Variants in AGBL4 observed in about 807,000 individuals in gnomAD.
AGBL4 encodes AGBL carboxypeptidase 4.
AGBL4 carries 58 observed loss-of-function variants against 66.4 expected under a neutral mutation model. The observed-to-expected ratio is 0.87, with a 90% CI of 0.71 to 1.09. The LOEUF (loss-of-function observed/expected upper bound fraction) is 1.09, where lower values mean the gene tolerates loss of function less well. Ranked by LOEUF, AGBL4 falls within the 50% of genes least tolerant of loss-of-function variation. The probability of loss-of-function intolerance (pLI) is 0.00; values close to 1 mark genes in which losing one functional copy is unlikely to be tolerated. For synonymous variants in AGBL4, 234 were observed against 222.9 expected (o/e 1.05, Z -0.44); for missense variants, 579 against 631.0 (o/e 0.92, Z 0.88).
chr1:49,667,350 T>C (rs1646391224), intron 3 of AGBL4, among the ~76,000 whole-genome samples: 1 of 151,920 alleles, frequency 6.6e-6, no homozygotes, highest in South Asian at 2.1e-4. Context: ...TACTGCTATT[T>C]GGGAGGCTGA....
intron 3 of AGBL4, among the ~76,000 whole-genome samples, chr1:49,655,759 C>T (rs1471460254): frequency 6.6e-6 from 1 of 152,088 alleles, no homozygotes; most frequent in Non-Finnish European, 1.5e-5. Flanking sequence ...TCAATGAATC[C>T]AGGAGCTGGT....
intron 11 of AGBL4, among the ~76,000 whole-genome samples, chr1:48,568,338 T>C (rs1308915007): frequency 6.6e-6 from 1 of 152,082 alleles, no homozygotes; most frequent in African/African-American, 2.4e-5. Flanking sequence ...AGGTGGCTGG[T>C]TTGACTGATC....
chr1:49,946,320 C>A (rs1655203720), intron 1 of AGBL4, among the ~76,000 whole-genome samples: 1 of 151,886 alleles, frequency 6.6e-6, no homozygotes, highest in Non-Finnish European at 1.5e-5. Context: ...ACAAAACAAG[C>A]CTCAATAAAT....
intron 3 of AGBL4, among the ~76,000 whole-genome samples, chr1:49,419,809 T>A (rs1645504305): frequency 6.6e-6 from 1 of 152,122 alleles, no homozygotes. Flanking sequence ...ACAAGGTTGG[T>A]GAAATGGGTA....
At chr1:48,666,924 G>A (rs1449750918) in intron 6 of AGBL4, among the ~76,000 whole-genome samples, 1 of 152,158 alleles carries the variant, frequency 6.6e-6, no homozygotes, top group African/African-American at 2.4e-5. Flanking sequence ...ACTATTCTTA[G>A]ACTAGACTCT....
chr1:48,931,349 C>A (rs1242174614), intron 5 of AGBL4, among the ~76,000 whole-genome samples: 1 of 152,130 alleles, frequency 6.6e-6, no homozygotes, highest in Non-Finnish European at 1.5e-5. Flanking sequence ...TACAAATAAA[C>A]CAGTTACTAA....
Position 49,796,805 on chromosome 1 carries a change from T to C in AGBL4, c.157+54591A>G, listed in dbSNP as rs185569427. On this transcript the variant is annotated intron_variant, in intron 2 of 13. Coordinates refer to ENST00000371839, the MANE Select transcript of AGBL4 (RefSeq NM_032785.4). ...TCTTTTACACATTTCTAATAATGAG[T>C]ACATATTATTATTTCAATATTTAAA... Among the ~76,000 whole-genome samples, 354 of 152,056 alleles carry C rather than the reference T, an allele frequency of 2.3e-3. 3 individuals carry two copies. Among genetic ancestry groups the C allele is most frequent in the Admixed American group, 2.8e-3 (43 of 15,280 alleles).
At chr1:49,079,770 C>T (rs551199845) in intron 4 of AGBL4, among the ~76,000 whole-genome samples, 1 of 152,278 alleles carries the variant, frequency 6.6e-6, no homozygotes, top group South Asian at 2.1e-4. Context: ...AATGAATCTC[C>T]ATTATCTAGT....
intron 4 of AGBL4, among the ~76,000 whole-genome samples, chr1:49,102,013 C>T (rs1475568047): frequency 6.6e-6 from 1 of 151,338 alleles, no homozygotes; most frequent in East Asian, 1.9e-4. Context: ...CCATGATCAA[C>T]TGAGAGAGGG....
intron 5 of AGBL4, among the ~76,000 whole-genome samples, chr1:48,875,184 G>T (rs533762383): frequency 3.0e-4 from 45 of 152,178 alleles, no homozygotes; most frequent in Non-Finnish European, 2.5e-4. Context: ...TTTTAATTGT[G>T]GTAAGTGCTC....
At chr1:49,939,801 C>A (rs1288189472) in intron 1 of AGBL4, among the ~76,000 whole-genome samples, 2 of 152,182 alleles carry the variant, frequency 1.3e-5, no homozygotes, top group East Asian at 3.9e-4. Flanking sequence ...GCAAGTACTT[C>A]ATGTCTAAAA....
At chr1:49,919,237 C>G (rs1288299835) in intron 1 of AGBL4, among the ~76,000 whole-genome samples, 4 of 152,088 alleles carry the variant, frequency 2.6e-5, no homozygotes, top group African/African-American at 4.8e-5. Context: ...CTGGCCAGGG[C>G]AATCAGGCAG....
At chr1:49,166,806 C>T (rs1335531500) in intron 4 of AGBL4, among the ~76,000 whole-genome samples, 1 of 152,178 alleles carries the variant, frequency 6.6e-6, no homozygotes, top group Non-Finnish European at 1.5e-5. Context: ...CCCTTTGTTA[C>T]ACCCAGAATC....
chr1:49,814,827 A>G (rs542904871), intron 2 of AGBL4, among the ~76,000 whole-genome samples: 31 of 152,308 alleles, frequency 2.0e-4, no homozygotes, highest in Admixed American at 5.9e-4. Context: ...AAAATTCTGC[A>G]TAGAAACAAA....
At chr1:49,763,373 T>C (rs1212474398) in intron 2 of AGBL4, among the ~76,000 whole-genome samples, 1 of 152,198 alleles carries the variant, frequency 6.6e-6, no homozygotes, top group Non-Finnish European at 1.5e-5. Context: ...TGCCTTTCCA[T>C]ATAAATTTTA....
At chr1:48,997,754 A>G (rs1021007043) in intron 5 of AGBL4, among the ~76,000 whole-genome samples, 1 of 152,218 alleles carries the variant, frequency 6.6e-6, no homozygotes, top group Admixed American at 6.5e-5. Context: ...GGAATATTAT[A>G]AAAAATCAAC....
intron 4 of AGBL4, among the ~76,000 whole-genome samples, chr1:49,170,299 TATAA>T (rs1437386635): frequency 1.4e-5 from 2 of 144,938 alleles, no homozygotes; most frequent in African/African-American, 5.0e-5. Flanking sequence ...TTTATATTCA[TATAA>T]ATATGTTATA....
chr1:49,134,742 T>G (rs1329781902), intron 4 of AGBL4, among the ~76,000 whole-genome samples: 1 of 151,938 alleles, frequency 6.6e-6, no homozygotes, highest in Non-Finnish European at 1.5e-5. Context: ...ATTCGTGCAG[T>G]TAACGCAATC....
At chr1:48,851,530 A>G (rs1426550710) in intron 6 of AGBL4, among the ~76,000 whole-genome samples, 1 of 152,184 alleles carries the variant, frequency 6.6e-6, no homozygotes, top group African/African-American at 2.4e-5. Context: ...GCTGGAACTG[A>G]GCCCACCTGA....
Sources: gnomAD v4.1 joint callset for allele counts (sites outside exome capture counted in the v4.1 genomes callset) on GRCh38, gnomAD v4.1.1 for gene constraint, MANE v1.5 for transcripts, NCBI Gene and HGNC (gene_info 2026-07-23, HGNC 2026-07-21) for gene names.